Variants in ACOXL observed in about 807,000 individuals in gnomAD.
The protein encoded by ACOXL is acyl-CoA oxidase like.
In ACOXL, 70 loss-of-function variants were observed where a neutral mutation model predicts 71.9. The observed-to-expected ratio is 0.97, with a 90% CI of 0.80 to 1.19. The LOEUF is 1.19. ACOXL is among the 50% of genes most tolerant of loss of function. The pLI, the probability that ACOXL is intolerant of heterozygous loss-of-function variation, is 0.00. For missense variants in ACOXL, 703 were observed against 736.3 expected (o/e 0.95, Z 0.52); for synonymous variants, 253 against 281.6 (o/e 0.90, Z 1.02).
At chr2:110,760,560 T>C (rs1680269955) in intron 1 of ACOXL, among the ~76,000 whole-genome samples, 1 of 152,248 alleles carries the variant, frequency 6.6e-6, no homozygotes, top group Non-Finnish European at 1.5e-5. Flanking sequence ...AACTCATTCA[T>C]GTATTTCAGT....
chr2:110,906,319 CCT>C (rs2059441915), intron 10 of ACOXL, among the ~76,000 whole-genome samples: 1 of 151,874 alleles, frequency 6.6e-6, no homozygotes, highest in Non-Finnish European at 1.5e-5. Context: ...GGGTGGATCA[CCT>C]GAGTTCAGGA....
intron 10 of ACOXL, among the ~76,000 whole-genome samples, chr2:110,903,234 C>T (rs182030599): frequency 2.0e-5 from 3 of 152,220 alleles, no homozygotes; most frequent in African/African-American, 7.2e-5. Context: ...GGGGAGAAGG[C>T]GAATGGCGCG....
At chr2:111,071,550 A>T (rs1337940870) in intron 16 of ACOXL, among the ~76,000 whole-genome samples, 1 of 152,248 alleles carries the variant, frequency 6.6e-6, no homozygotes, top group Non-Finnish European at 1.5e-5. Flanking sequence ...GCAGATCCCA[A>T]GTGGCTAAAG....
chr2:111,105,973 G>A (rs912666251), intron 17 of ACOXL, among the ~76,000 whole-genome samples: 2 of 152,082 alleles, frequency 1.3e-5, no homozygotes, highest in African/African-American at 4.8e-5. Flanking sequence ...TGCTATTTAT[G>A]ATGTGCCTTT....
At chr2:110,915,369 T>A (rs1574103087) in intron 11 of ACOXL, among the ~76,000 whole-genome samples, 1 of 147,504 alleles carries the variant, frequency 6.8e-6, no homozygotes, top group Admixed American at 6.8e-5. Flanking sequence ...TGTGTGTGTG[T>A]GTGTGTGTGT....
At chr2:110,777,199 A>T (rs900246454) in intron 2 of ACOXL, among the ~76,000 whole-genome samples, 4 of 152,016 alleles carry the variant, frequency 2.6e-5, no homozygotes, top group Non-Finnish European at 5.9e-5. Context: ...CAACATAGAG[A>T]TGAATTTAGA....
At chr2:110,879,585 C>G (rs1339578935) in intron 10 of ACOXL, among the ~76,000 whole-genome samples, 1 of 152,006 alleles carries the variant, frequency 6.6e-6, no homozygotes, top group Admixed American at 6.6e-5. Flanking sequence ...AATTGATTAA[C>G]ATGTATTTAA....
chr2:110,825,122 A>G (rs1206223720), intron 9 of ACOXL, among the ~76,000 whole-genome samples: 1 of 152,198 alleles, frequency 6.6e-6, no homozygotes, highest in East Asian at 1.9e-4. Context: ...ATTCATCCAG[A>G]GTTCATGCAC....
rs549405839 is a variant in ACOXL at position 110,985,917 on chromosome 2, A to G, written c.1060-1191A>G. Among the ~76,000 whole-genome samples the G allele has an allele frequency of 5.9e-5, 9 of 152,332 alleles. 1 individual carries two copies. The East Asian group carries it at 1.7e-3, about 29-fold the overall frequency. On this transcript the variant is annotated intron_variant, in intron 12 of 17. Coordinates refer to ENST00000439055, the MANE Select transcript of ACOXL (RefSeq NM_001142807.4). ...CTTCCCCAGGCAAAAATGCCTTGAA[A>G]GTTTTCAGCATCCCTCTTATTGGCA... is the stretch of plus-strand genomic sequence containing the variant.
intron 14 of ACOXL, among the ~76,000 whole-genome samples, chr2:111,007,694 T>C (rs1213182862): frequency 6.6e-6 from 1 of 152,162 alleles, no homozygotes; most frequent in African/African-American, 2.4e-5. Flanking sequence ...TAGAGAATGG[T>C]ATTTAAAAAC....
chr2:110,790,990 C>A (rs1287391431), intron 3 of ACOXL, among the ~76,000 whole-genome samples: 2 of 152,268 alleles, frequency 1.3e-5, no homozygotes, highest in African/African-American at 4.8e-5. Context: ...TCTACTTCCC[C>A]ACTTCCCTGT....
At chr2:111,012,976 G>T (rs1240633175) in intron 14 of ACOXL, among the ~76,000 whole-genome samples, 3 of 152,080 alleles carry the variant, frequency 2.0e-5, no homozygotes. Context: ...ACAAACTATA[G>T]AGCAAATCAA....
chr2:110,985,647 G>A (rs1228597972), intron 12 of ACOXL, among the ~76,000 whole-genome samples: 2 of 152,116 alleles, frequency 1.3e-5, no homozygotes, highest in African/African-American at 2.4e-5. Flanking sequence ...GAGAGGCGGC[G>A]GTGTCACTTG....
chr2:111,054,671 G>A (rs1046081465), intron 16 of ACOXL, among the ~76,000 whole-genome samples: 2 of 152,196 alleles, frequency 1.3e-5, no homozygotes, highest in Non-Finnish European at 2.9e-5. Context: ...CACGTCCCCT[G>A]CCACCATGGT....
chr2:110,750,008 G>A (rs1304105639), intron 1 of ACOXL, among the ~76,000 whole-genome samples: 1 of 152,134 alleles, frequency 6.6e-6, no homozygotes, highest in Non-Finnish European at 1.5e-5. Flanking sequence ...ATGGGTGTTG[G>A]GAAGAATATC....
chr2:111,039,425 G>A (rs1293636755), intron 15 of ACOXL, among the ~76,000 whole-genome samples: 1 of 150,604 alleles, frequency 6.6e-6, no homozygotes. Flanking sequence ...AAAAAAGGCA[G>A]CGTTTATCCT....
chr2:110,953,847 C>T (rs1352373966), intron 12 of ACOXL, among the ~76,000 whole-genome samples: 1 of 151,998 alleles, frequency 6.6e-6, no homozygotes, highest in Non-Finnish European at 1.5e-5. Context: ...TCGGGGGGAG[C>T]CACACACTTT....
rs147987641 is a variant in ACOXL, at chr2:110,809,147, C to T, written c.753+3752C>T. On this transcript the variant is annotated intron_variant, in intron 9 of 17. Transcript: ENST00000439055. ...TTGCTGCCTCTTTGATCTAACTCCA[C>T]GTGGCCCTTCTGTCCAGAACCAGGA... 5.8e-4 allele frequency among the ~76,000 whole-genome samples: 88 copies of T among 152,378 alleles called. 1 individual carries two copies. Among genetic ancestry groups the T allele is most frequent in the Middle Eastern group, 6.8e-3 (2 of 294 alleles).
At chr2:110,832,132 G>T (rs1460370914) in intron 9 of ACOXL, among the ~76,000 whole-genome samples, 2 of 152,162 alleles carry the variant, frequency 1.3e-5, no homozygotes, top group Non-Finnish European at 2.9e-5. Flanking sequence ...CATGCCACTG[G>T]ACTTACCCTG....
Sources: allele counts gnomAD v4.1 joint callset (sites outside exome capture counted in the v4.1 genomes callset), GRCh38; gene constraint gnomAD v4.1.1; transcripts MANE v1.5; gene names NCBI Gene and HGNC (gene_info 2026-07-23, HGNC 2026-07-21).